GINS1: variants seen among roughly 807,000 people sequenced by gnomAD.
GINS1 encodes the protein DNA replication complex GINS protein PSF1.
A neutral mutation model predicts 34.9 loss-of-function variants in GINS1; 26 were observed. The observed-to-expected ratio is 0.74, with a 90% CI of 0.55 to 1.03. The LOEUF (loss-of-function observed/expected upper bound fraction) is 1.03. GINS1 is among the 50% of genes least tolerant of loss of function. The pLI is 0.00. For synonymous variants in GINS1, 97 were observed against 84.4 expected, an observed-to-expected ratio of 1.15 and a Z score of -0.82; for missense variants, 235 against 237.9, an observed-to-expected ratio of 0.99 and a Z score of 0.08.
intron 5 of GINS1, among the ~76,000 whole-genome samples, chr20:25,426,281 C>T (rs894862542): frequency 1.3e-5 from 2 of 151,968 alleles, no homozygotes; most frequent in Admixed American, 6.6e-5. Context: ...TCAGAATTTC[C>T]GGCTGGGCAC....
chr20:25,441,583 A>T (rs866897540), intron 5 of GINS1, 119 bp from the exon 6 acceptor site: 3 of 613,334 alleles, frequency 4.9e-6, no homozygotes, highest in Admixed American at 3.1e-5. Flanking sequence ...GCCTAAGTAC[A>T]TGGAGAGGAA....
chr20:25,417,144 A>C lies in GINS1; in HGVS notation c.181A>C (p.Thr61Pro), dbSNP rs762444035. 1.3e-5 allele frequency: 21 copies of C among 1,591,706 alleles called. No homozygotes were observed. The highest frequency in any genetic ancestry group is 1.7e-5 in the Non-Finnish European group (20 of 1,160,102). ...KSGGRSDLIPTIKFRHCSLLR... is the reference protein window; with the variant it reads ...KSGGRSDLIPPIKFRHCSLLR... ...AGGTGGACGAAGTGATTTGATACCA[A>C]CTATCAAATTTCGACACTGTTCTCT... is the stretch of plus-strand genomic sequence containing the variant. Residue 61 changes from threonine to proline, a missense_variant, in exon 3 of 7, where the codon ACT becomes CCT. Transcript: ENST00000262460.
intron 5 of GINS1, among the ~76,000 whole-genome samples, chr20:25,438,827 C>G (rs1005155188): frequency 3.2e-4 from 49 of 152,058 alleles, no homozygotes; most frequent in African/African-American, 1.2e-3. Flanking sequence ...TCTTGCCTCT[C>G]CCTCCCAAAG....
chr20:25,410,220 A>T (rs1275428885), intron 1 of GINS1, among the ~76,000 whole-genome samples: 1 of 152,090 alleles, frequency 6.6e-6, no homozygotes, highest in Non-Finnish European at 1.5e-5. Flanking sequence ...ATGTGCCTGT[A>T]GTCCCAGCTA....
At position 25,444,546 on chromosome 20, in the gene GINS1, T is replaced by G. The variant is rs145059297; in HGVS notation, c.523-1377T>G. On this transcript the variant is annotated intron_variant, in intron 6 of 6. Transcript: ENST00000262460. Reference sequence around the variant, plus strand: ...ATGGGTCTCTTGCCAGGCCTTTGAGTTTGTGAGGCAGGACCTTCAGGTGCA... The same window carrying G: ...ATGGGTCTCTTGCCAGGCCTTTGAGGTTGTGAGGCAGGACCTTCAGGTGCA... 5.7e-3 allele frequency among the ~76,000 whole-genome samples: 863 copies of G among 152,216 alleles called. 37 individuals carry two copies. The highest frequency in any genetic ancestry group is 0.052 in the Admixed American group (799 of 15,280).
chr20:25,429,011 C>T (rs551084726), intron 5 of GINS1, among the ~76,000 whole-genome samples: 33 of 94,756 alleles, frequency 3.5e-4, no homozygotes, highest in African/African-American at 1.2e-3. Flanking sequence ...TTTTTTGAAA[C>T]GAAGTCTTGC....
chr20:25,441,712 TA>T lies in GINS1; in HGVS notation c.462del (p.Asp155ThrfsTer15). On this transcript the variant is annotated frameshift_variant, in exon 6 of 7. Coordinates refer to ENST00000262460, the MANE Select transcript of GINS1 (RefSeq NM_021067.5). LOFTEE classifies it high-confidence loss of function. ...PKSLYIEVRC[L>X]KDYGEFEVDD... ...CATTTTTTCTTTCAGGTCCGGTGTCTAAAAGACTATGGAGAATTTGAAGTTG... is the reference window on the plus strand; with the variant it reads ...CATTTTTTCTTTCAGGTCCGGTGTCTAAAGACTATGGAGAATTTGAAGTTG... The T allele has an allele frequency of 6.4e-7, 1 of 1,554,396 alleles. No individual in the cohort carries two copies. The highest frequency in any genetic ancestry group is 8.8e-7 in the Non-Finnish European group (1 of 1,136,142).
intron 4 of GINS1, among the ~76,000 whole-genome samples, chr20:25,419,450 A>G (rs999424986): frequency 6.6e-6 from 1 of 152,196 alleles, no homozygotes; most frequent in African/African-American, 2.4e-5. Flanking sequence ...CATTTTCTGC[A>G]TAAATAAATG....
chr20:25,444,827 G>A (rs1415871502), intron 6 of GINS1, among the ~76,000 whole-genome samples: 1 of 152,172 alleles, frequency 6.6e-6, no homozygotes, highest in Non-Finnish European at 1.5e-5. Context: ...ATCTTCCCAT[G>A]TACCATGTGA....
chr20:25,421,052 C>G, intron 4 of GINS1: 1 of 686,458 alleles, frequency 1.5e-6, no homozygotes, highest in South Asian at 6.5e-5. Flanking sequence ...CTGTATTACC[C>G]AAGGATAGTG....
intron 4 of GINS1, among the ~76,000 whole-genome samples, chr20:25,419,356 C>A (rs912082164): frequency 1.4e-4 from 20 of 142,494 alleles, no homozygotes; most frequent in African/African-American, 4.1e-4. Flanking sequence ...AAAAAAAAAA[C>A]AAATATTCAA....
chr20:25,429,993 A>T (rs947120331), intron 5 of GINS1, among the ~76,000 whole-genome samples: 1 of 152,094 alleles, frequency 6.6e-6, no homozygotes, highest in Non-Finnish European at 1.5e-5. Context: ...GCTCACTTCA[A>T]CGTCCGCCTC....
At position 25,448,258 on chromosome 20, in the gene GINS1, T is replaced by TGAG. The variant is rs1226478175; in HGVS notation, c.*2268_*2270dup. Reference sequence around the variant, plus strand: ...GGGAGAATTGACATCTTAATAATATTGAGTCTTCTGGCCTATAAACAAGGT... The same window carrying TGAG: ...GGGAGAATTGACATCTTAATAATATTGAGGAGTCTTCTGGCCTATAAACAAGGT... On this transcript the variant is annotated 3_prime_UTR_variant, in exon 7 of 7. Transcript: ENST00000262460. 1 of 152,246 alleles carries TGAG rather than the reference T, an allele frequency of 6.6e-6. No individual in the cohort carries two copies. The highest frequency in any genetic ancestry group is 1.5e-5 in the Non-Finnish European group (1 of 68,036). The allele number at this position is 152,246 out of a possible 1,614,324, so 9.4% of individuals were successfully genotyped here.
intron 1 of GINS1, among the ~76,000 whole-genome samples, chr20:25,413,293 C>T (rs1035229362): frequency 5.9e-5 from 9 of 152,282 alleles, no homozygotes; most frequent in Admixed American, 5.9e-4. Context: ...AGGTGATCCA[C>T]CCGCCTCAGC....
In GINS1 at chr20:25,429,998, C is replaced by T. The variant is rs547614346; in HGVS notation, c.447+4671C>T. On this transcript the variant is annotated intron_variant, in intron 5 of 6. Coordinates refer to ENST00000262460, the MANE Select transcript of GINS1 (RefSeq NM_021067.5). ...CACAATCTCAGCTCACTTCAACGTC[C>T]GCCTCCTAGGTTCAAGCGATTCTCC... 2.0e-5 allele frequency among the ~76,000 whole-genome samples: 3 copies of T among 152,226 alleles called. No homozygotes were observed. In the East Asian group the frequency reaches 5.8e-4, roughly 29 times the overall value.
intron 1 of GINS1, chr20:25,408,963 T>G: frequency 1.0e-6 from 1 of 983,370 alleles, no homozygotes; most frequent in Non-Finnish European, 1.2e-6. Flanking sequence ...TAAGTGATAC[T>G]AAGGAGGTAT....
At chr20:25,414,623 G>A (rs2090308832) in intron 2 of GINS1, among the ~76,000 whole-genome samples, 1 of 152,100 alleles carries the variant, frequency 6.6e-6, no homozygotes, top group Non-Finnish European at 1.5e-5. Context: ...TTGCTTGAGT[G>A]CAGGGGTTTG....
In GINS1 at chr20:25,446,035, C is replaced by A. The variant is rs188232588; in HGVS notation, c.*44C>A. 4.5e-5 allele frequency: 48 copies of A among 1,069,714 alleles called. No homozygotes were observed. The East Asian group carries it at 1.0e-3, about 23-fold the overall frequency. 66.3% of individuals were successfully genotyped at this position (1,069,714 alleles called of 1,614,324 possible). ...CCAGGCTTCACTCAACTCATGGACT[C>A]CTCTGTACTCACTCTCTCCACCACT... On this transcript the variant is annotated 3_prime_UTR_variant, in exon 7 of 7. Coordinates refer to ENST00000262460, the MANE Select transcript of GINS1 (RefSeq NM_021067.5).
Position 25,446,089 on chromosome 20 carries a change from G to A in GINS1, c.*98G>A. On this transcript the variant is annotated 3_prime_UTR_variant, in exon 7 of 7. Transcript: ENST00000262460. ...TTCACCTCCCTCTTTGATTTTAGAA[G>A]CTATAGACATTGTTTAAGATAACTA... The A allele has an allele frequency of 1.6e-6, 1 of 629,574 alleles. No individual in the cohort carries two copies. Among genetic ancestry groups the A allele is most frequent in the Non-Finnish European group, 2.8e-6 (1 of 354,388 alleles). The allele number at this position is 629,574 out of a possible 1,614,324, so 39.0% of individuals were successfully genotyped here.
Sources: gnomAD v4.1 joint callset for allele counts (sites outside exome capture counted in the v4.1 genomes callset) on GRCh38, gnomAD v4.1.1 for gene constraint, MANE v1.5 for transcripts, NCBI Gene and HGNC (gene_info 2026-07-23, HGNC 2026-07-21) for gene names.